The following DPP10 variants were observed in gnomAD, a reference collection of about 807,000 sequenced individuals.
DPP10 encodes the protein dipeptidyl peptidase like 10.
DPP10 carries 33 observed loss-of-function variants against 120.9 expected under a neutral mutation model. That is an observed-to-expected ratio of 0.27 (90% CI 0.21 to 0.37). The LOEUF is 0.37. Among genes scored for constraint, DPP10 ranks in the 10% least tolerant of loss-of-function variants. The pLI, the probability that DPP10 is intolerant of heterozygous loss-of-function variation, is 1.00. For missense variants in DPP10, 816 were observed against 942.8 expected (o/e 0.87, Z 1.76); for synonymous variants, 337 against 326.1 (o/e 1.03, Z -0.36).
At chr2:114,998,769 G>A (rs1214020177) in intron 1 of DPP10, among the ~76,000 whole-genome samples, 5 of 152,132 alleles carry the variant, frequency 3.3e-5, no homozygotes, top group Admixed American at 6.5e-5. Flanking sequence ...AACAGAAAAC[G>A]CACAGAGGAA....
chr2:115,685,130 T>A (rs1303172470), intron 5 of DPP10, among the ~76,000 whole-genome samples: 1 of 151,978 alleles, frequency 6.6e-6, no homozygotes, highest in Non-Finnish European at 1.5e-5. Context: ...TGAATAATAT[T>A]TACTTCTTGA....
At chr2:114,451,438 GATAA>G (rs1678268991) in intron 1 of DPP10, among the ~76,000 whole-genome samples, 1 of 152,038 alleles carries the variant, frequency 6.6e-6, no homozygotes, top group South Asian at 2.1e-4. Flanking sequence ...TATTAAGAGG[GATAA>G]ATACTTAGGT....
intron 1 of DPP10, among the ~76,000 whole-genome samples, chr2:115,248,314 T>C (rs1236893553): frequency 6.6e-6 from 1 of 152,194 alleles, no homozygotes; most frequent in Non-Finnish European, 1.5e-5. Context: ...CCATGAGCTG[T>C]ATTGCATCAT....
At chr2:115,335,622 T>C (rs1019462748) in intron 2 of DPP10, among the ~76,000 whole-genome samples, 2 of 152,144 alleles carry the variant, frequency 1.3e-5, no homozygotes, top group African/African-American at 4.8e-5. Flanking sequence ...AGTTAGAGAA[T>C]GCACAAAGCA....
At chr2:114,748,130 A>G (rs116344143) in intron 1 of DPP10, among the ~76,000 whole-genome samples, 2,991 of 152,152 alleles carry the variant, frequency 0.02, 88 homozygotes, top group African/African-American at 0.068. Context: ...TCCATTTTAC[A>G]GAAGTATATA....
chr2:114,524,620 G>T (rs1685343732), intron 1 of DPP10, among the ~76,000 whole-genome samples: 1 of 152,192 alleles, frequency 6.6e-6, no homozygotes, highest in Non-Finnish European at 1.5e-5. Context: ...AGCTCTCAAG[G>T]AGCTGAATAT....
At chr2:115,818,049 GA>G (rs34643894) in intron 21 of DPP10, among the ~76,000 whole-genome samples, 2 of 151,760 alleles carry the variant, frequency 1.3e-5, no homozygotes, top group Middle Eastern at 3.4e-3. Context: ...ACAGTTCATT[GA>G]AAAAAAAGAG....
At chr2:115,009,000 C>T (rs1478756037) in intron 1 of DPP10, among the ~76,000 whole-genome samples, 1 of 62,868 alleles carries the variant, frequency 1.6e-5, no homozygotes, top group African/African-American at 5.2e-5. Flanking sequence ...ACTAGTTCAA[C>T]CATTGTGGAA....
intron 1 of DPP10, among the ~76,000 whole-genome samples, chr2:115,270,113 C>CACAG (rs1553535597): frequency 7.8e-6 from 1 of 128,150 alleles, no homozygotes; most frequent in African/African-American, 3.1e-5. Context: ...CACACACACA[C>CACAG]AGACACACAC....
chr2:115,467,528 G>A (rs2105135049), intron 3 of DPP10, among the ~76,000 whole-genome samples: 1 of 150,046 alleles, frequency 6.7e-6, no homozygotes, highest in East Asian at 2.0e-4. Flanking sequence ...AGTGAGCCGA[G>A]ATCACACCAT....
At chr2:115,127,911 G>T (rs1012107345) in intron 1 of DPP10, among the ~76,000 whole-genome samples, 1 of 152,028 alleles carries the variant, frequency 6.6e-6, no homozygotes, top group African/African-American at 2.4e-5. Flanking sequence ...TAGTTCATGC[G>T]TTTATCAGTT....
intron 1 of DPP10, among the ~76,000 whole-genome samples, chr2:114,895,927 G>A (rs575136476): frequency 8.5e-5 from 13 of 152,282 alleles, no homozygotes; most frequent in Admixed American, 2.0e-4. Context: ...GTAAGGAAGG[G>A]ATCCAGTTTC....
At chr2:114,471,609 A>G (rs1679918377) in intron 1 of DPP10, among the ~76,000 whole-genome samples, 1 of 152,252 alleles carries the variant, frequency 6.6e-6, no homozygotes, top group South Asian at 2.1e-4. Context: ...ATGGATGAAT[A>G]TAAAGAGTAG....
chr2:115,825,615 C>G (rs1297303072), intron 21 of DPP10, among the ~76,000 whole-genome samples: 1 of 152,126 alleles, frequency 6.6e-6, no homozygotes. Context: ...CAATTCAAAC[C>G]TTTCCTATTC....
At chr2:115,067,310 G>A (rs956974163) in intron 1 of DPP10, among the ~76,000 whole-genome samples, 3 of 151,808 alleles carry the variant, frequency 2.0e-5, no homozygotes, top group Non-Finnish European at 4.4e-5. Flanking sequence ...GGAGTGCGGT[G>A]GCGCCATCTC....
At chr2:114,608,110 T>G (rs976002159) in intron 1 of DPP10, among the ~76,000 whole-genome samples, 2 of 152,210 alleles carry the variant, frequency 1.3e-5, no homozygotes, top group Non-Finnish European at 2.9e-5. Flanking sequence ...AACACAAGTA[T>G]TTACTGGTCC....
At chr2:115,045,855 G>A (rs147736810) in intron 1 of DPP10, among the ~76,000 whole-genome samples, 8 of 152,268 alleles carry the variant, frequency 5.3e-5, no homozygotes, top group African/African-American at 1.9e-4. Context: ...ATTTGGCCAT[G>A]TTGCTCTGCA....
At chr2:115,498,410 G>A (rs2076514995) in intron 3 of DPP10, among the ~76,000 whole-genome samples, 1 of 151,842 alleles carries the variant, frequency 6.6e-6, no homozygotes, top group South Asian at 2.1e-4. Flanking sequence ...GTGTTTTTGT[G>A]GCTAATCTTT....
At chr2:114,691,447 T>G (rs1699741225) in intron 1 of DPP10, among the ~76,000 whole-genome samples, 1 of 152,128 alleles carries the variant, frequency 6.6e-6, no homozygotes, top group African/African-American at 2.4e-5. Flanking sequence ...CTTTTTGATG[T>G]GCTGCTGGAT....
Sources: gnomAD v4.1 joint callset for allele counts (sites outside exome capture counted in the v4.1 genomes callset) on GRCh38, gnomAD v4.1.1 for gene constraint, MANE v1.5 for transcripts, NCBI Gene and HGNC (gene_info 2026-07-23, HGNC 2026-07-21) for gene names.